LRRC72: variants seen among roughly 807,000 people sequenced by gnomAD.
LRRC72 encodes the protein leucine-rich repeat-containing protein 72.
In LRRC72, 41 loss-of-function variants were observed where a neutral mutation model predicts 35.8. That is an observed-to-expected ratio of 1.15 (90% CI 0.89 to 1.49). The LOEUF is 1.49. Among genes scored for constraint, LRRC72 ranks in the 40% most tolerant of loss-of-function variants. LRRC72 has a pLI of 0.00. For missense variants in LRRC72, 389 were observed against 330.7 expected (o/e 1.18, Z -1.37); for synonymous variants, 118 against 119.2 (o/e 0.99, Z 0.07).
At chr7:16,529,323 C>T (rs1384120898) in intron 1 of LRRC72, among the ~76,000 whole-genome samples, 1 of 152,212 alleles carries the variant, frequency 6.6e-6, no homozygotes, top group African/African-American at 2.4e-5. Flanking sequence ...CACCTCACCT[C>T]TTAAGGCCCA....
At chr7:16,566,446 C>G (rs1288886354) in intron 6 of LRRC72, 44 bp downstream of exon 6, 3 of 1,327,968 alleles carry the variant, frequency 2.3e-6, no homozygotes, top group Non-Finnish European at 3.1e-6. Context: ...GAGAAGTAGT[C>G]TTATAGCTCA....
intron 1 of LRRC72, among the ~76,000 whole-genome samples, chr7:16,532,047 A>C (rs189983162): frequency 3.9e-5 from 6 of 152,216 alleles, no homozygotes; most frequent in Non-Finnish European, 7.4e-5. Flanking sequence ...AGGCACAAAA[A>C]AGAATGTCCT....
intron 7 of LRRC72, among the ~76,000 whole-genome samples, chr7:16,573,575 T>C (rs1042053067): frequency 3.3e-5 from 5 of 152,148 alleles, no homozygotes; most frequent in African/African-American, 1.2e-4. Flanking sequence ...ATTTAATAAG[T>C]GGTGTTGGGA....
chr7:16,553,607 C>G (rs968995343), intron 3 of LRRC72, among the ~76,000 whole-genome samples: 1 of 152,170 alleles, frequency 6.6e-6, no homozygotes, highest in South Asian at 2.1e-4. Flanking sequence ...TTCACAATGT[C>G]TAGAGACATT....
Position 16,526,841 on chromosome 7 carries a change from G to T in LRRC72, c.-112G>T. On this transcript the variant is annotated 5_prime_UTR_variant, in exon 1 of 9. Coordinates refer to ENST00000401542, the MANE Select transcript of LRRC72 (RefSeq NM_001195280.2). ...CTGGCTTTTAGTCAACGGGAATGCG[G>T]TAACTGTTGGTAACAGAACAACGAG... 1 of 822,446 alleles carries T rather than the reference G, an allele frequency of 1.2e-6. No individual in the cohort carries two copies. Among genetic ancestry groups the T allele is most frequent in the Non-Finnish European group, 2.0e-6 (1 of 504,208 alleles). The allele number at this position is 822,446 out of a possible 1,614,324, so 50.9% of individuals were successfully genotyped here.
intron 5 of LRRC72, among the ~76,000 whole-genome samples, chr7:16,565,482 G>A (rs1224255324): frequency 6.6e-6 from 1 of 150,794 alleles, no homozygotes; most frequent in East Asian, 1.9e-4. Flanking sequence ...ATTTCACATT[G>A]TATTGAAAAA....
intron 7 of LRRC72, among the ~76,000 whole-genome samples, chr7:16,568,936 G>A (rs775374851): frequency 5.9e-5 from 9 of 152,226 alleles, no homozygotes; most frequent in Middle Eastern, 6.8e-3. Flanking sequence ...ATTCAAGAAT[G>A]AGCGAAAGGT....
chr7:16,547,747 C>T lies in LRRC72; in HGVS notation c.235-9613C>T, dbSNP rs570009176. Reference sequence around the variant, plus strand: ...ACCTTGGCCCCCTCCAGACTTTGGGCGCCAAGAAGCATGGGAGAGAGGCTA... The same window carrying T: ...ACCTTGGCCCCCTCCAGACTTTGGGTGCCAAGAAGCATGGGAGAGAGGCTA... On this transcript the variant is annotated intron_variant, in intron 3 of 8. Transcript: ENST00000401542. Among the ~76,000 whole-genome samples the T allele has an allele frequency of 1.2e-4, 18 of 152,348 alleles. No individual in the cohort carries two copies. In the South Asian group the frequency reaches 1.2e-3, roughly 11 times the overall value.
rs1304360937 is a variant in LRRC72 at position 16,526,970 on chromosome 7, C to T, written c.18C>T (p.Asn6=). The part of the protein sequence containing the change: MSWDP[N]PVPRTLRCWR... The stretch of plus-strand genomic sequence containing the variant: ...GTGTCCTGATGTCCTGGGACCCGAA[C>T]CCCGTGCCCCGTACCTTGCGATGCT... Residue 6 remains asparagine, a synonymous_variant, in exon 1 of 9, where the codon AAC becomes AAT. Coordinates refer to ENST00000401542, the MANE Select transcript of LRRC72 (RefSeq NM_001195280.2). 1 of 1,539,894 alleles carries T rather than the reference C, an allele frequency of 6.5e-7. No individual in the cohort carries two copies. The highest frequency in any genetic ancestry group is 2.4e-5 in the East Asian group (1 of 40,908).
intron 5 of LRRC72, among the ~76,000 whole-genome samples, chr7:16,561,731 T>G (rs2128337663): frequency 6.6e-6 from 1 of 152,358 alleles, no homozygotes; most frequent in East Asian, 1.9e-4. Flanking sequence ...AAATTCACAT[T>G]TTGAACTCAT....
chr7:16,539,070 G>A (rs1317522162), intron 3 of LRRC72, among the ~76,000 whole-genome samples: 1 of 152,218 alleles, frequency 6.6e-6, no homozygotes. Flanking sequence ...ACAGGCAGAG[G>A]TTGGTGGAAC....
intron 7 of LRRC72, among the ~76,000 whole-genome samples, chr7:16,570,798 G>A (rs375458685): frequency 1.3e-5 from 2 of 152,172 alleles, no homozygotes; most frequent in African/African-American, 4.8e-5. Context: ...CCAACAGAAC[G>A]AGACCCTCTC....
Position 16,558,113 on chromosome 7 carries a change from A to G in LRRC72, c.316+672A>G, listed in dbSNP as rs528446238. On this transcript the variant is annotated intron_variant, in intron 4 of 8. Transcript: ENST00000401542. ...ATACAATTTACAATCTATGAAAATG[A>G]TTTGAATATTTGGCTTCCAGTTATG... Among the ~76,000 whole-genome samples the G allele has an allele frequency of 1.9e-4, 29 of 152,346 alleles. No individual in the cohort carries two copies. In the South Asian group the frequency reaches 5.8e-3, roughly 30 times the overall value.
At chr7:16,536,203 AAAG>A (rs1428567728) in intron 2 of LRRC72, among the ~76,000 whole-genome samples, 2 of 152,194 alleles carry the variant, frequency 1.3e-5, no homozygotes, top group East Asian at 1.9e-4. Flanking sequence ...GAGAAAAAGG[AAAG>A]AAGATGATTA....
intron 3 of LRRC72, among the ~76,000 whole-genome samples, chr7:16,539,659 G>GC (rs1214914418): frequency 6.6e-6 from 1 of 152,182 alleles, no homozygotes; most frequent in Non-Finnish European, 1.5e-5. Context: ...AAGGCCCAGG[G>GC]CCCCGCTGCT....
chr7:16,574,876 G>A (rs982570218), intron 7 of LRRC72, among the ~76,000 whole-genome samples: 20 of 152,076 alleles, frequency 1.3e-4, no homozygotes, highest in African/African-American at 4.1e-4. Context: ...AGCACTTTGG[G>A]AGTCCAAGGC....
chr7:16,529,265 G>T (rs372007997), intron 1 of LRRC72, among the ~76,000 whole-genome samples: 2 of 152,092 alleles, frequency 1.3e-5, no homozygotes, highest in African/African-American at 4.8e-5. Flanking sequence ...TGCTTCTTCT[G>T]TTTTGTGCGC....
intron 8 of LRRC72, among the ~76,000 whole-genome samples, chr7:16,580,516 C>A (rs569829983): frequency 6.6e-6 from 1 of 151,940 alleles, no homozygotes; most frequent in Admixed American, 6.6e-5. Context: ...TGGTGGCAGG[C>A]GCCTATAATC....
chr7:16,556,868 T>C (rs1167586191), intron 3 of LRRC72, among the ~76,000 whole-genome samples: 1 of 152,166 alleles, frequency 6.6e-6, no homozygotes, highest in East Asian at 1.9e-4. Flanking sequence ...AGCTAATCCT[T>C]AAAAATAATT....
Sources: gnomAD v4.1 joint callset for allele counts (sites outside exome capture counted in the v4.1 genomes callset) on GRCh38, gnomAD v4.1.1 for gene constraint, MANE v1.5 for transcripts, NCBI Gene and HGNC (gene_info 2026-07-23, HGNC 2026-07-21) for gene names.